ENGASE: variants seen among roughly 807,000 people sequenced by gnomAD.
The protein encoded by ENGASE is endo-beta-N-acetylglucosaminidase, also known as cytosolic endo-beta-N-acetylglucosaminidase.
ENGASE carries 69 observed loss-of-function variants against 78.5 expected under a neutral mutation model. The ratio of observed to expected loss-of-function variants is 0.88; its 90% CI spans 0.72 to 1.07. ENGASE has a LOEUF of 1.07. ENGASE is among the 50% of genes least tolerant of loss of function. The pLI is 0.00. For missense variants in ENGASE, 943 were observed against 988.4 expected (o/e 0.95, Z 0.62); for synonymous variants, 408 against 408.9 (o/e 1.00, Z 0.03).
intron 1 of ENGASE, among the ~76,000 whole-genome samples, chr17:79,076,844 G>A (rs1425708512): frequency 6.6e-6 from 1 of 152,072 alleles, no homozygotes; most frequent in Non-Finnish European, 1.5e-5. Context: ...GTGGTATTGG[G>A]GTGGCTGCTT....
Position 79,083,455 on chromosome 17 carries a change from G to C in ENGASE, c.1143-27G>C, listed in dbSNP as rs373132148. The C allele has an allele frequency of 7.6e-5, 119 of 1,575,434 alleles. No individual in the cohort carries two copies. Among genetic ancestry groups the C allele is most frequent in the Non-Finnish European group, 1.0e-4 (117 of 1,146,674 alleles). ...GAGGCTCCCTCCCTTCCTCCGGACC[G>C]AGCTGTTGCCCCCATGTCTCTGGCA... On this transcript the variant is annotated intron_variant, in intron 8 of 13. Transcript: ENST00000579016. This position sits in a 1 kb window ranked among gnomAD's most constrained non-coding sequence, Gnocchi z 4.9.
chr17:79,079,591 A>C lies in ENGASE; in HGVS notation c.519A>C (p.Pro173=), dbSNP rs3744185. The part of the protein sequence containing the change: ...YFSHHTVTIP[P]VGWTNTAHRH... ...GCCACCACACCGTCACCATTCCCCC[A>C]GTGGGCTGGACCAACACTGCCCACA... Residue 173 remains proline, a synonymous_variant, in exon 4 of 14, where the codon CCA becomes CCC. Transcript: ENST00000579016. 1.2e-6 allele frequency: 2 copies of C among 1,612,864 alleles called. No homozygotes were observed. Among genetic ancestry groups the C allele is most frequent in the Non-Finnish European group, 1.7e-6 (2 of 1,179,674 alleles).
At chr17:79,082,817 C>T (rs1389171276) in intron 7 of ENGASE, 1 of 1,510,018 alleles carries the variant, frequency 6.6e-7, no homozygotes, top group Non-Finnish European at 8.9e-7. Flanking sequence ...CTGACCGCCT[C>T]TCCCGCGCCC....
intron 7 of ENGASE, chr17:79,082,818 T>G (rs1460566765): frequency 6.6e-7 from 1 of 1,510,812 alleles, no homozygotes; most frequent in African/African-American, 1.4e-5. Context: ...TGACCGCCTC[T>G]CCCGCGCCCT....
intron 7 of ENGASE, 49 bp downstream of exon 7, chr17:79,082,112 G>T (rs764527447): frequency 1.2e-6 from 2 of 1,613,972 alleles, no homozygotes; most frequent in East Asian, 4.5e-5. Flanking sequence ...GCCTCCCCTG[G>T]GACCTCATTT....
chr17:79,074,883 CGA>C lies in ENGASE; in HGVS notation c.-60_-59del. ...TCAGCGCTGCGCACTTCCCATTGGCCGAGCGCGGCGCGGGGGCGGGCCCGGGC... is the reference window on the plus strand; with the variant it reads ...TCAGCGCTGCGCACTTCCCATTGGCCGCGCGGCGCGGGGGCGGGCCCGGGC... On this transcript the variant is annotated 5_prime_UTR_variant, in exon 1 of 14. Coordinates refer to ENST00000579016, the MANE Select transcript of ENGASE (RefSeq NM_001042573.3). 8.1e-7 allele frequency: 1 copy of C among 1,234,644 alleles called. No homozygotes were observed. The allele number at this position is 1,234,644 out of a possible 1,614,324, so 76.5% of individuals were successfully genotyped here. A position where few individuals can be genotyped will look rare whatever the true frequency, so the allele number is the denominator to read the frequency against.
chr17:79,077,255 C>A (rs909308316), intron 1 of ENGASE, among the ~76,000 whole-genome samples, 175 bp from the exon 2 acceptor site: 6 of 152,142 alleles, frequency 3.9e-5, no homozygotes, highest in Non-Finnish European at 8.8e-5. Context: ...TAGGTAAAAC[C>A]TTAGGATTAT....
chr17:79,075,015 C>T lies in ENGASE; in HGVS notation c.71C>T (p.Ala24Val), dbSNP rs1160695316. 8.3e-7 allele frequency: 1 copy of T among 1,210,910 alleles called. No homozygotes were observed. Among genetic ancestry groups the T allele is most frequent in the East Asian group, 3.3e-5 (1 of 30,706 alleles). 75.0% of individuals were successfully genotyped at this position (1,210,910 alleles called of 1,614,324 possible). ...CGGCGGCGGCAGCTGCAGGGGCTGG[C>T]GGCCCCGGAGGCGGGGACGCAGGAG... Reference protein sequence around the residue: ...RRRRRQLQGLAAPEAGTQEEQ... With the variant: ...RRRRRQLQGLVAPEAGTQEEQ... Residue 24 changes from alanine (A) to valine (V), a missense_variant, in exon 1 of 14, where the codon GCG becomes GTG. Transcript: ENST00000579016.
chr17:79,077,269 A>C (rs1599331580), intron 1 of ENGASE, among the ~76,000 whole-genome samples, 161 bp from the exon 2 acceptor site: 3 of 152,252 alleles, frequency 2.0e-5, no homozygotes, highest in African/African-American at 4.8e-5. Flanking sequence ...GGATTATCAC[A>C]GGGCACTTCC....
At position 79,085,717 on chromosome 17, in the gene ENGASE, C is replaced by T. The variant is rs192044711; in HGVS notation, c.1798C>T (p.Arg600Trp). Residue 600 changes from arginine to tryptophan, a missense_variant, in exon 13 of 14, where the codon CGG becomes TGG. Arg to Trp is a moderately radical substitution (Grantham distance 101). Coordinates refer to ENST00000579016, the MANE Select transcript of ENGASE (RefSeq NM_001042573.3). ...GSREEESFTC[R>W]LGEIQVVDAA... Reference sequence around the variant, plus strand: ...TCGGGAGGAGGAGAGCTTCACCTGTCGGCTTGGAGAGATCCAGGTGATGCT... The same window carrying T: ...TCGGGAGGAGGAGAGCTTCACCTGTTGGCTTGGAGAGATCCAGGTGATGCT... 23 of 1,613,628 alleles carry T rather than the reference C, an allele frequency of 1.4e-5. No homozygotes were observed. The highest frequency in any genetic ancestry group is 5.0e-5 in the Admixed American group (3 of 59,982).
At chr17:79,081,779 G>T in intron 6 of ENGASE, 119 bp from the exon 7 acceptor site, 3 of 1,314,454 alleles carry the variant, frequency 2.3e-6, no homozygotes, top group Non-Finnish European at 3.1e-6. Flanking sequence ...GGTGGGGTGG[G>T]GTGGGGTGGG....
chr17:79,077,681 A>T lies in ENGASE; in HGVS notation c.233A>T (p.Asp78Val). The T allele has an allele frequency of 6.2e-7, 1 of 1,614,236 alleles. No individual in the cohort carries two copies. Among genetic ancestry groups the T allele is most frequent in the Non-Finnish European group, 8.5e-7 (1 of 1,180,042 alleles). The change falls in exon 3 of 14, where the codon GAC becomes GTC. Residue 78 changes from aspartate (D) to valine (V), a missense_variant. By Grantham distance (152) the Asp-to-Val change is radical. Coordinates refer to ENST00000579016, the MANE Select transcript of ENGASE (RefSeq NM_001042573.3). ...DPLPVRYYDK[D>V]TTKPISFYLS... ...GGACCAGTTAGATATTATGACAAGG[A>T]CACCACCAAACCAATCAGCTTTTAC...
At chr17:79,081,239 A>T (rs113551164) in intron 6 of ENGASE, among the ~76,000 whole-genome samples, 166 bp downstream of exon 6, 9,376 of 152,270 alleles carry the variant, frequency 0.062, 962 homozygotes, top group African/African-American at 0.21. Flanking sequence ...GCAGTGGCTC[A>T]TGTCTGTAAT....
rs1228615509 is a variant in ENGASE at position 79,083,136 on chromosome 17, G to C, written c.1142+13G>C. The C allele has an allele frequency of 6.3e-7, 1 of 1,586,252 alleles. No individual in the cohort carries two copies. The highest frequency in any genetic ancestry group is 8.7e-7 in the Non-Finnish European group (1 of 1,155,652). On this transcript the variant is annotated intron_variant, in intron 8 of 13. Coordinates refer to ENST00000579016, the MANE Select transcript of ENGASE (RefSeq NM_001042573.3). This position sits in a 1 kb window ranked among gnomAD's most constrained non-coding sequence, Gnocchi z 4.9. The stretch of plus-strand genomic sequence containing the variant: ...AGAACCAGGACAAGTGAGTCCTGCT[G>C]TCCTGGGTGCTTAGTGCAGGCTGAT...
At position 79,088,378 on chromosome 17, in the gene ENGASE, A is replaced by G. The variant is rs1053716615; in HGVS notation, c.*2029A>G. The G allele has an allele frequency of 2.0e-5, 3 of 152,116 alleles. No individual in the cohort carries two copies. Among genetic ancestry groups the G allele is most frequent in the African/African-American group, 7.2e-5 (3 of 41,396 alleles). 9.4% of individuals were successfully genotyped at this position (152,116 alleles called of 1,614,324 possible). A position where few individuals can be genotyped will look rare whatever the true frequency, so the allele number is the denominator to read the frequency against. On this transcript the variant is annotated 3_prime_UTR_variant, in exon 14 of 14. Transcript: ENST00000579016. ...CGAATATTTTATGCAGAGGAGGGAA[A>G]ATTTATAGTGGCAATTATTTTCTCA...
chr17:79,082,844 T>C, intron 7 of ENGASE, 176 bp from the exon 8 acceptor site: 1 of 1,542,854 alleles, frequency 6.5e-7, no homozygotes, highest in Non-Finnish European at 8.7e-7. Context: ...GGCGGGCTTG[T>C]GGAACGACGG....
At chr17:79,082,589 C>T in intron 7 of ENGASE, 2 of 1,253,890 alleles carry the variant, frequency 1.6e-6, no homozygotes, top group South Asian at 1.4e-5. Flanking sequence ...CAGGGCTCTG[C>T]CTGCCTCTGG....
chr17:79,081,849 C>T (rs776070069), intron 6 of ENGASE, 49 bp from the exon 7 acceptor site: 1 of 1,567,690 alleles, frequency 6.4e-7, no homozygotes, highest in South Asian at 1.2e-5. Flanking sequence ...TGGGGGTGGC[C>T]CCATCCTTCT....
chr17:79,082,595 T>C (rs2073174092), intron 7 of ENGASE: 3 of 1,259,788 alleles, frequency 2.4e-6, no homozygotes, highest in Non-Finnish European at 3.1e-6. Flanking sequence ...TCTGCCTGCC[T>C]CTGGTCTATC....
Sources: gnomAD v4.1 joint callset for allele counts (sites outside exome capture counted in the v4.1 genomes callset) on GRCh38, gnomAD v4.1.1 for gene constraint, Gnocchi (gnomAD v3.1) non-coding constraint, MANE v1.5 for transcripts, NCBI Gene and HGNC (gene_info 2026-07-23, HGNC 2026-07-21) for gene names.